Variants in VPS13B observed in about 807,000 individuals in gnomAD.
VPS13B encodes intermembrane lipid transfer protein VPS13B.
A neutral mutation model predicts 426.4 loss-of-function variants in VPS13B; 285 were observed. That is an observed-to-expected ratio of 0.67 (90% confidence interval 0.61 to 0.74). VPS13B has a LOEUF of 0.74. VPS13B is among the 30% of genes least tolerant of loss of function. The probability of loss-of-function intolerance (pLI) is 0.00; values close to 1 mark genes in which losing one functional copy is unlikely to be tolerated. For missense variants in VPS13B, 4,537 were observed against 4,782.6 expected, an observed-to-expected ratio of 0.95 and a Z score of 1.51; for synonymous variants, 1,676 against 1,676.4, an observed-to-expected ratio of 1.00 and a Z score of 0.01.
At chr8:99,652,981 G>T (rs1829883214) in intron 34 of VPS13B, among the ~76,000 whole-genome samples, 1 of 152,104 alleles carries the variant, frequency 6.6e-6, no homozygotes, top group African/African-American at 2.4e-5. Context: ...CCAGCTGAGG[G>T]AAATAATATT....
At chr8:99,014,665 G>A (rs535922111) in intron 2 of VPS13B, among the ~76,000 whole-genome samples, 2 of 149,436 alleles carry the variant, frequency 1.3e-5, no homozygotes, top group South Asian at 4.2e-4. Context: ...AAGGGTGGCT[G>A]GCTTGTGGGG....
intron 17 of VPS13B, among the ~76,000 whole-genome samples, chr8:99,213,763 C>G (rs146245441): frequency 3.4e-4 from 51 of 151,574 alleles, no homozygotes; most frequent in African/African-American, 1.2e-3. Context: ...GTATTGAAAG[C>G]TCCTACTTGA....
intron 30 of VPS13B, among the ~76,000 whole-genome samples, chr8:99,537,693 T>C (rs1488894991): frequency 2.6e-5 from 4 of 152,200 alleles, no homozygotes; most frequent in Non-Finnish European, 4.4e-5. Context: ...GAGTGTTTCC[T>C]GCCAGTAGAA....
In VPS13B at chr8:99,030,633, C is replaced by T. The variant is rs898865034; in HGVS notation, c.148-7790C>T. ...ATCACGTTACTATAAAATAAAAATG[C>T]GTAAAGTATATGATAATCATACAAA... On this transcript the variant is annotated intron_variant, in intron 2 of 61. Transcript: ENST00000357162. Among the ~76,000 whole-genome samples the T allele has an allele frequency of 5.3e-5, 8 of 152,024 alleles. No individual in the cohort carries two copies. The South Asian group carries it at 8.3e-4, about 16-fold the overall frequency.
chr8:99,707,391 G>C (rs542935095), intron 36 of VPS13B, among the ~76,000 whole-genome samples: 1 of 152,204 alleles, frequency 6.6e-6, no homozygotes, highest in South Asian at 2.1e-4. Flanking sequence ...AGTAAATATT[G>C]GTCTTTGTAT....
chr8:99,141,833 A>G (rs1810438404), intron 12 of VPS13B, among the ~76,000 whole-genome samples: 1 of 150,668 alleles, frequency 6.6e-6, no homozygotes, highest in Non-Finnish European at 1.5e-5. Flanking sequence ...TCATGAGGGC[A>G]GGAGATTGAG....
At chr8:99,353,587 C>G (rs1812016231) in intron 19 of VPS13B, among the ~76,000 whole-genome samples, 1 of 146,208 alleles carries the variant, frequency 6.8e-6, no homozygotes, top group African/African-American at 2.5e-5. Flanking sequence ...CTTACTAGAG[C>G]AGACAGACTT....
chr8:99,606,952 G>A (rs1827623692), intron 33 of VPS13B, among the ~76,000 whole-genome samples: 1 of 152,138 alleles, frequency 6.6e-6, no homozygotes, highest in Admixed American at 6.5e-5. Context: ...GGAAGGAACA[G>A]TTCTCAGCTT....
chr8:99,077,053 A>T (rs761727161), intron 3 of VPS13B, among the ~76,000 whole-genome samples: 17 of 151,854 alleles, frequency 1.1e-4, no homozygotes, highest in Non-Finnish European at 1.6e-4. Flanking sequence ...ATGTGTTTTC[A>T]TGATGGTGGA....
At chr8:99,711,665 T>A (rs1458290083) in intron 36 of VPS13B, among the ~76,000 whole-genome samples, 1 of 152,230 alleles carries the variant, frequency 6.6e-6, no homozygotes, top group Non-Finnish European at 1.5e-5. Context: ...AGTATTCCTG[T>A]TCAACAGTTC....
At chr8:99,040,392 A>T (rs2132227923) in intron 3 of VPS13B, among the ~76,000 whole-genome samples, 1 of 152,320 alleles carries the variant, frequency 6.6e-6, no homozygotes, top group Middle Eastern at 3.4e-3. Context: ...TCTCAAAACA[A>T]GTATTTTTTA....
intron 19 of VPS13B, among the ~76,000 whole-genome samples, chr8:99,336,294 G>A (rs1174198622): frequency 2.6e-5 from 4 of 152,186 alleles, no homozygotes; most frequent in Non-Finnish European, 5.9e-5. Context: ...ATGGTGCTGG[G>A]AACACTGGCT....
At chr8:99,085,266 G>A (rs1845710679) in intron 3 of VPS13B, among the ~76,000 whole-genome samples, 1 of 152,086 alleles carries the variant, frequency 6.6e-6, no homozygotes, top group Non-Finnish European at 1.5e-5. Context: ...TCAGAGACTA[G>A]GATTGCAACC....
intron 3 of VPS13B, among the ~76,000 whole-genome samples, chr8:99,090,348 A>G (rs1202434961): frequency 2.0e-5 from 3 of 151,238 alleles, no homozygotes; most frequent in Admixed American, 6.6e-5. Context: ...GCTCACTGCA[A>G]CCTCTACTTC....
intron 27 of VPS13B, among the ~76,000 whole-genome samples, chr8:99,505,919 G>A (rs945572374): frequency 2.6e-5 from 4 of 152,142 alleles, no homozygotes; most frequent in Admixed American, 1.3e-4. Flanking sequence ...CATGTATGGA[G>A]TATAATAAAA....
In VPS13B at chr8:99,821,430, A is replaced by C. The variant is rs376652526; in HGVS notation, c.9131A>C (p.Glu3044Ala). ...GNGEVVTLDE[E>A]AFVDTEIRLG... The stretch of plus-strand genomic sequence containing the variant: ...GGTGAAGTTGTGACACTGGATGAAG[A>C]AGCGTTTGTTGATACTGAAATAAGA... Residue 3044 changes from glutamate to alanine, a missense_variant, in exon 50 of 62, where the codon GAA becomes GCA. By Grantham distance (107) the Glu-to-Ala change is moderately radical. This residue lies in a region of VPS13B where 4,311 missense variants were observed against 4,474.3 expected (regional missense o/e 0.96). Coordinates refer to ENST00000357162, the MANE Select transcript of VPS13B (RefSeq NM_152564.5). 377 of 1,613,734 alleles carry C rather than the reference A, an allele frequency of 2.3e-4. 1 individual carries two copies. Among genetic ancestry groups the C allele is most frequent in the Non-Finnish European group, 3.1e-4 (369 of 1,179,812 alleles).
At chr8:99,552,811 G>C (rs1824356466) in intron 30 of VPS13B, among the ~76,000 whole-genome samples, 1 of 152,092 alleles carries the variant, frequency 6.6e-6, no homozygotes, top group African/African-American at 2.4e-5. Context: ...AGACCAGGAA[G>C]TTGACATTAG....
Position 99,859,464 on chromosome 8 carries a change from A to G in VPS13B, c.11028A>G (p.Val3676=), listed in dbSNP as rs746157283. Residue 3676 remains valine, a synonymous_variant, in exon 57 of 62, where the codon GTA becomes GTG. Transcript: ENST00000357162. ...SGVSRGTTSF[V]KHISKGTLTS... is the part of the protein sequence containing the mutation. ...TCTCCAGAGGGACCACATCGTTTGT[A>G]AAGCACATCTCCAAAGGTAGCGGGT... 6.2e-7 allele frequency: 1 copy of G among 1,613,294 alleles called. No homozygotes were observed. The highest frequency in any genetic ancestry group is 8.5e-7 in the Non-Finnish European group (1 of 1,179,970).
chr8:99,294,056 C>T (rs1455787750), intron 19 of VPS13B, among the ~76,000 whole-genome samples: 2 of 110,356 alleles, frequency 1.8e-5, no homozygotes, highest in Non-Finnish European at 3.8e-5. Context: ...ACCCAAATGA[C>T]TATAAATCAT....
Sources: allele counts gnomAD v4.1 joint callset (sites outside exome capture counted in the v4.1 genomes callset), GRCh38; gene constraint gnomAD v4.1.1; regional missense constraint gnomAD v4.1.1; transcripts MANE v1.5; gene names NCBI Gene and HGNC (gene_info 2026-07-23, HGNC 2026-07-21).